Variants in RAB31 observed in about 807,000 individuals in gnomAD.
RAB31 encodes the protein RAB31, member RAS oncogene family.
RAB31 carries 21 observed loss-of-function variants against 25.6 expected under a neutral mutation model. That is an observed-to-expected ratio of 0.82 (90% CI 0.58 to 1.18). RAB31 has a LOEUF of 1.18. Among genes scored for constraint, RAB31 ranks in the 50% most tolerant of loss-of-function variants. The probability of loss-of-function intolerance (pLI) is 0.00; values close to 1 mark genes in which losing one functional copy is unlikely to be tolerated. For missense variants in RAB31, 196 were observed against 250.1 expected, an observed-to-expected ratio of 0.78 and a Z score of 1.46; for synonymous variants, 87 against 84.0, an observed-to-expected ratio of 1.04 and a Z score of -0.20.
intron 1 of RAB31, among the ~76,000 whole-genome samples, chr18:9,746,195 C>T (rs2068204916): frequency 6.6e-6 from 1 of 152,132 alleles, no homozygotes; most frequent in African/African-American, 2.4e-5. Flanking sequence ...TAACCAAATA[C>T]ATTTAACCAA....
chr18:9,739,205 T>G (rs1440277484), intron 1 of RAB31, among the ~76,000 whole-genome samples: 2 of 152,228 alleles, frequency 1.3e-5, no homozygotes, highest in African/African-American at 2.4e-5. Context: ...CCAGGCACGG[T>G]GGCTTACGCC....
chr18:9,796,438 T>G (rs2068487539), intron 3 of RAB31, among the ~76,000 whole-genome samples: 2 of 152,204 alleles, frequency 1.3e-5, no homozygotes, highest in South Asian at 2.1e-4. Context: ...AGCTAAAATA[T>G]GCACCTAATC....
chr18:9,780,318 T>C (rs967304949), intron 2 of RAB31, among the ~76,000 whole-genome samples: 1 of 152,148 alleles, frequency 6.6e-6, no homozygotes, highest in Admixed American at 6.5e-5. Context: ...TTTTACAGTG[T>C]CACATAATCT....
intron 1 of RAB31, among the ~76,000 whole-genome samples, chr18:9,715,515 T>A (rs1177071244): frequency 7.1e-6 from 1 of 141,302 alleles, no homozygotes; most frequent in African/African-American, 2.6e-5. Context: ...TTGTCCTTTG[T>A]CTCTCTCTCT....
chr18:9,725,430 C>T (rs1199882183), intron 1 of RAB31, among the ~76,000 whole-genome samples: 1 of 152,194 alleles, frequency 6.6e-6, no homozygotes. Flanking sequence ...GAAGAGACTG[C>T]AGCACAGGGA....
rs115285671 is a variant in RAB31 at position 9,854,601 on chromosome 18, C to A, written c.491-4627C>A. ...TTCCCACCTGAGAATCCATTCCGGT[C>A]CTTTATAGCATGTAGCGCGTTCCTC... On this transcript the variant is annotated intron_variant, in intron 6 of 6. Coordinates refer to ENST00000578921, the MANE Select transcript of RAB31 (RefSeq NM_006868.4). Among the ~76,000 whole-genome samples the A allele has an allele frequency of 5.1e-3, 780 of 152,300 alleles. 9 individuals carry two copies. Among genetic ancestry groups the A allele is most frequent in the African/African-American group, 0.018 (756 of 41,556 alleles).
chr18:9,835,229 A>G (rs1380991179), intron 5 of RAB31, among the ~76,000 whole-genome samples: 2 of 152,158 alleles, frequency 1.3e-5, no homozygotes, highest in Non-Finnish European at 2.9e-5. Context: ...TGCATCCACT[A>G]AGAAGTACAA....
intron 1 of RAB31, among the ~76,000 whole-genome samples, chr18:9,743,681 A>C (rs1388477919): frequency 6.6e-6 from 1 of 152,070 alleles, no homozygotes; most frequent in Non-Finnish European, 1.5e-5. Flanking sequence ...CATCCCTGAC[A>C]CACTCTGAGT....
At chr18:9,804,424 A>G (rs2068529551) in intron 3 of RAB31, among the ~76,000 whole-genome samples, 1 of 151,882 alleles carries the variant, frequency 6.6e-6, no homozygotes, top group African/African-American at 2.4e-5. Context: ...CATTCTGCCA[A>G]CTCTCAGAGG....
chr18:9,822,287 C>T (rs916391578), intron 5 of RAB31, among the ~76,000 whole-genome samples: 1 of 152,132 alleles, frequency 6.6e-6, no homozygotes, highest in East Asian at 1.9e-4. Context: ...CAAACCTCAA[C>T]CTTATATAAA....
chr18:9,819,854 G>A (rs1340561414), intron 5 of RAB31, among the ~76,000 whole-genome samples: 2 of 151,724 alleles, frequency 1.3e-5, no homozygotes, highest in Non-Finnish European at 2.9e-5. Flanking sequence ...CTTATTTATG[G>A]CATTGCTTGT....
intron 5 of RAB31, among the ~76,000 whole-genome samples, chr18:9,828,458 C>A (rs186597149): frequency 1.6e-4 from 24 of 152,306 alleles, no homozygotes; most frequent in African/African-American, 5.8e-4. Flanking sequence ...GTGTGTGATT[C>A]ATGCAATTTC....
intron 3 of RAB31, among the ~76,000 whole-genome samples, chr18:9,806,678 A>G (rs1205683974): frequency 6.6e-6 from 1 of 152,140 alleles, no homozygotes. Flanking sequence ...AAACAATTGG[A>G]TTTATATAGG....
chr18:9,801,767 G>A (rs775472723), intron 3 of RAB31, among the ~76,000 whole-genome samples: 7 of 152,148 alleles, frequency 4.6e-5, no homozygotes, highest in East Asian at 1.9e-4. Context: ...ACCTAAGGTC[G>A]TAAAGGTTTA....
At chr18:9,772,183 T>C (rs921401419) in intron 1 of RAB31, among the ~76,000 whole-genome samples, 1 of 151,646 alleles carries the variant, frequency 6.6e-6, no homozygotes, top group Non-Finnish European at 1.5e-5. Flanking sequence ...GAGTAAATGA[T>C]AGATTCCAAA....
chr18:9,760,319 G>T (rs765583345), intron 1 of RAB31, among the ~76,000 whole-genome samples: 5 of 151,918 alleles, frequency 3.3e-5, no homozygotes, highest in Non-Finnish European at 5.9e-5. Flanking sequence ...GACTACAGGT[G>T]TGCACCACCA....
intron 2 of RAB31, among the ~76,000 whole-genome samples, chr18:9,778,271 G>T (rs916894421): frequency 6.6e-6 from 1 of 152,124 alleles, no homozygotes; most frequent in Non-Finnish European, 1.5e-5. Context: ...CAGGAGCCGT[G>T]TGTGCATGGA....
intron 6 of RAB31, among the ~76,000 whole-genome samples, chr18:9,850,793 G>A (rs1415342752): frequency 6.6e-6 from 1 of 152,162 alleles, no homozygotes; most frequent in African/African-American, 2.4e-5. Context: ...TTGGGCCCAG[G>A]AGTTTGAGGC....
intron 1 of RAB31, among the ~76,000 whole-genome samples, chr18:9,769,655 C>T (rs1391898384): frequency 6.6e-6 from 1 of 152,212 alleles, no homozygotes; most frequent in Non-Finnish European, 1.5e-5. Flanking sequence ...TTGACTTCTT[C>T]TTTTCCTATT....
Sources: allele counts gnomAD v4.1 joint callset (sites outside exome capture counted in the v4.1 genomes callset), GRCh38; gene constraint gnomAD v4.1.1; transcripts MANE v1.5; gene names NCBI Gene and HGNC (gene_info 2026-07-23, HGNC 2026-07-21).